Variants in INO80E observed in about 807,000 individuals in gnomAD.
INO80E encodes INO80 complex subunit E.
INO80E carries 20 observed loss-of-function variants against 27.3 expected under a neutral mutation model. The ratio of observed to expected loss-of-function variants is 0.73; its 90% CI spans 0.51 to 1.06. The LOEUF is 1.06. INO80E is among the 50% of genes least tolerant of loss of function. The pLI, the probability that INO80E is intolerant of heterozygous loss-of-function variation, is 0.00. For missense variants in INO80E, 357 were observed against 322.8 expected (o/e 1.11, Z -0.81); for synonymous variants, 167 against 145.9 (o/e 1.14, Z -1.04).
At position 30,000,805 on chromosome 16, in the gene INO80E, C is replaced by T; in HGVS notation, c.253C>T (p.Pro85Ser). ...AGATAACAGCGAGACGGAGGGGACA[C>T]CCAAGTTGTCTGACACACCGGCCCC... ...SSDNSETEGT[P>S]KLSDTPAPKR... Residue 85 changes from proline to serine, a missense_variant, in exon 4 of 7, where the codon CCC (proline) becomes TCC (serine). By Grantham distance (74) the Pro-to-Ser change is moderately conservative. Coordinates refer to ENST00000563197, the MANE Select transcript of INO80E (RefSeq NM_173618.3). 6.2e-7 allele frequency: 1 copy of T among 1,614,194 alleles called. No homozygotes were observed. Among genetic ancestry groups the T allele is most frequent in the Non-Finnish European group, 8.5e-7 (1 of 1,180,016 alleles).
Position 30,005,321 on chromosome 16 carries a change from C to A in INO80E, c.614C>A (p.Pro205His). The A allele has an allele frequency of 7.7e-7, 1 of 1,293,168 alleles. No individual in the cohort carries two copies. The highest frequency in any genetic ancestry group is 1.0e-6 in the Non-Finnish European group (1 of 980,278). The allele number at this position is 1,293,168 out of a possible 1,614,324, so 80.1% of individuals were successfully genotyped here. A position where few individuals can be genotyped will look rare whatever the true frequency, so the allele number is the denominator to read the frequency against. The stretch of plus-strand genomic sequence containing the variant: ...GGGACAACCCTGACCCCCCTCCCAC[C>A]CCCTAAGATGCCCCCCCCCACGATC... Reference protein sequence around the residue: ...GVGTTLTPLPPPKMPPPTILS... With the variant: ...GVGTTLTPLPHPKMPPPTILS... Residue 205 changes from proline (P) to histidine (H), a missense_variant, in exon 7 of 7, where the codon CCC becomes CAC. Physicochemically the swap from Pro to His is moderately conservative, Grantham distance 77 (BLOSUM62 -2). Coordinates refer to ENST00000563197, the MANE Select transcript of INO80E (RefSeq NM_173618.3).
chr16:30,005,079 C>T, intron 6 of INO80E, 142 bp from the exon 7 acceptor site: 3 of 883,152 alleles, frequency 3.4e-6, no homozygotes, highest in Non-Finnish European at 4.9e-6. Flanking sequence ...GGGGGGCAGG[C>T]CCTGAGTGCA....
chr16:29,998,543 T>C (rs993902626), intron 3 of INO80E, among the ~76,000 whole-genome samples: 2 of 152,240 alleles, frequency 1.3e-5, no homozygotes, highest in African/African-American at 4.8e-5. Context: ...TTAAGATCAC[T>C]GTATCCAATT....
rs979679147 is a variant in INO80E, at chr16:30,003,415, G to A, written c.514-1806G>A. On this transcript the variant is annotated intron_variant, in intron 6 of 6. Coordinates refer to ENST00000563197, the MANE Select transcript of INO80E (RefSeq NM_173618.3). This position sits in a 1 kb window ranked among gnomAD's most constrained non-coding sequence, Gnocchi z 4.4. ...AGGCCTGGACAGTGGCCTGAAGTGGGAATTTGTCTGTTACTGTCAGGGGAG... is the reference window on the plus strand; with the variant it reads ...AGGCCTGGACAGTGGCCTGAAGTGGAAATTTGTCTGTTACTGTCAGGGGAG... 2.6e-5 allele frequency: 4 copies of A among 152,254 alleles called. No homozygotes were observed. Among genetic ancestry groups the A allele is most frequent in the African/African-American group, 9.7e-5 (4 of 41,388 alleles). The allele number at this position is 152,254 out of a possible 1,614,324, so 9.4% of individuals were successfully genotyped here. A position where few individuals can be genotyped will look rare whatever the true frequency, so the allele number is the denominator to read the frequency against.
In INO80E at chr16:29,996,330, G is replaced by C; in HGVS notation, c.20G>C (p.Gly7Ala). Residue 7 changes from glycine (G) to alanine (A), a missense_variant, in exon 1 of 7, where the codon GGC (glycine) becomes GCC (alanine). Physicochemically the swap from Gly to Ala is moderately conservative, Grantham distance 60. Coordinates refer to ENST00000563197, the MANE Select transcript of INO80E (RefSeq NM_173618.3). ...CCGGTCATGAACGGGCCGGCGGACG[G>C]CGAAGTGGACTACAAAAAAAAATAC... Reference protein sequence around the residue: MNGPADGEVDYKKKYRN... With the variant: MNGPADAEVDYKKKYRN... The C allele has an allele frequency of 5.6e-6, 9 of 1,596,358 alleles. No homozygotes were observed. Among genetic ancestry groups the C allele is most frequent in the Non-Finnish European group, 7.7e-6 (9 of 1,171,720 alleles).
Position 30,000,952 on chromosome 16 carries a change from G to T in INO80E, c.308G>T (p.Gly103Val). The change falls in exon 5 of 7, where the codon GGC becomes GTC. Residue 103 changes from glycine (G) to valine (V), a missense_variant. Coordinates refer to ENST00000563197, the MANE Select transcript of INO80E (RefSeq NM_173618.3). Reference protein sequence around the residue: ...PKRKRSPPLGGAPSPSSLSLP... With the variant: ...PKRKRSPPLGVAPSPSSLSLP... ...AGGAAGAGAAGCCCTCCGCTGGGGG[G>T]CGCCCCCTCTCCCTCCAGCCTCTCC... 1 of 1,583,922 alleles carries T rather than the reference G, an allele frequency of 6.3e-7. No homozygotes were observed. Among genetic ancestry groups the T allele is most frequent in the Non-Finnish European group, 8.6e-7 (1 of 1,161,492 alleles).
At chr16:30,000,479 T>A (rs1325161422) in intron 3 of INO80E, among the ~76,000 whole-genome samples, 1 of 152,206 alleles carries the variant, frequency 6.6e-6, no homozygotes, top group African/African-American at 2.4e-5. Flanking sequence ...TTCTCCTGCC[T>A]CAGCCTCCTG....
intron 5 of INO80E, 34 bp from the exon 6 acceptor site, chr16:30,001,380 C>T (rs765245776): frequency 1.7e-5 from 27 of 1,553,618 alleles, no homozygotes; most frequent in Middle Eastern, 1.7e-4. Context: ...CGGTCCATTC[C>T]GCCTCCCATC....
At chr16:30,005,114 A>G in intron 6 of INO80E, 107 bp from the exon 7 acceptor site, 1 of 1,257,806 alleles carries the variant, frequency 8.0e-7, no homozygotes, top group South Asian at 1.8e-5. Flanking sequence ...AGCTGTGCCC[A>G]GGGCCTCTTC....
chr16:29,996,273 C>CG lies in INO80E; in HGVS notation c.-35dup. On this transcript the variant is annotated 5_prime_UTR_variant, in exon 1 of 7. Coordinates refer to ENST00000563197, the MANE Select transcript of INO80E (RefSeq NM_173618.3). ...GCACGGCAGCCACTGCTTGGGGTAG[C>CG]GGGAGGGCAGACTCTGGGCGCCACT... 6.4e-7 allele frequency: 1 copy of CG among 1,551,820 alleles called. No homozygotes were observed. The highest frequency in any genetic ancestry group is 8.7e-7 in the Non-Finnish European group (1 of 1,145,560).
At chr16:29,999,731 C>G (rs1327647426) in intron 3 of INO80E, among the ~76,000 whole-genome samples, 2 of 152,102 alleles carry the variant, frequency 1.3e-5, no homozygotes, top group African/African-American at 2.4e-5. Flanking sequence ...GTTAGTTGAC[C>G]AGAAAGGTAC....
chr16:30,000,794 C>T lies in INO80E; in HGVS notation c.242C>T (p.Thr81Met), dbSNP rs747964581. 1.7e-5 allele frequency: 28 copies of T among 1,614,150 alleles called. No homozygotes were observed. The highest frequency in any genetic ancestry group is 1.1e-4 in the African/African-American group (8 of 75,052). ...ACTGCATCATCAGATAACAGCGAGA[C>T]GGAGGGGACACCCAAGTTGTCTGAC... ...DATASSDNSE[T>M]EGTPKLSDTP... Residue 81 changes from threonine (T) to methionine (M), a missense_variant, in exon 4 of 7, where the codon ACG (threonine) becomes ATG (methionine). Coordinates refer to ENST00000563197, the MANE Select transcript of INO80E (RefSeq NM_173618.3).
chr16:30,004,441 G>A (rs2070465986), intron 6 of INO80E: 1 of 152,812 alleles, frequency 6.5e-6, no homozygotes, highest in African/African-American at 2.4e-5. Context: ...ACCCTCAGAG[G>A]ACAAAGCAGG....
At chr16:29,998,817 A>G (rs1163927882) in intron 3 of INO80E, among the ~76,000 whole-genome samples, 3 of 152,150 alleles carry the variant, frequency 2.0e-5, no homozygotes, top group African/African-American at 7.2e-5. Context: ...AGGCCGAGGC[A>G]GGCAGATCAC....
At chr16:29,999,960 G>C (rs1596670421) in intron 3 of INO80E, among the ~76,000 whole-genome samples, 1 of 152,088 alleles carries the variant, frequency 6.6e-6, no homozygotes, top group South Asian at 2.1e-4. Context: ...GGACTTCAGG[G>C]GTAGATGAAC....
Position 29,998,301 on chromosome 16 carries a change from A to C in INO80E, c.205+1441A>C, listed in dbSNP as rs113255715. Among the ~76,000 whole-genome samples the C allele has an allele frequency of 3.6e-3, 549 of 152,116 alleles. 3 individuals are homozygous for C. The highest frequency in any genetic ancestry group is 0.012 in the African/African-American group (510 of 41,510). ...GCCAGACTCCATCTCAAAAAAAAAA[A>C]AAAAACAAAAACCAATCTTGTGAAG... On this transcript the variant is annotated intron_variant, in intron 3 of 6. Transcript: ENST00000563197.
In INO80E at chr16:30,000,827, C is replaced by A; in HGVS notation, c.275C>A (p.Ala92Asp). The A allele has an allele frequency of 6.2e-7, 1 of 1,614,108 alleles. No homozygotes were observed. The highest frequency in any genetic ancestry group is 1.3e-5 in the African/African-American group (1 of 75,038). ...EGTPKLSDTP[A>D]PKRKRSPPLG... The stretch of plus-strand genomic sequence containing the variant: ...ACACCCAAGTTGTCTGACACACCGG[C>A]CCCTAAGAGGTGAGAAGAAGATGCA... Residue 92 changes from alanine to aspartate, a missense_variant, in exon 4 of 7, where the codon GCC becomes GAC. By Grantham distance (126) the Ala-to-Asp change is moderately radical. Coordinates refer to ENST00000563197, the MANE Select transcript of INO80E (RefSeq NM_173618.3).
Position 30,003,610 on chromosome 16 carries a change from C to T in INO80E, c.514-1611C>T, listed in dbSNP as rs1285626095. 6.6e-6 allele frequency: 1 copy of T among 152,254 alleles called. No individual in the cohort carries two copies. Among genetic ancestry groups the T allele is most frequent in the Non-Finnish European group, 1.5e-5 (1 of 68,048 alleles). 9.4% of individuals were successfully genotyped at this position (152,254 alleles called of 1,614,324 possible). On this transcript the variant is annotated intron_variant, in intron 6 of 6. Coordinates refer to ENST00000563197, the MANE Select transcript of INO80E (RefSeq NM_173618.3). This position sits in a 1 kb window ranked among gnomAD's most constrained non-coding sequence, Gnocchi z 4.4. The stretch of plus-strand genomic sequence containing the variant: ...GCTCACCATGCGACCTCAGCGTTGT[C>T]ATTTCACTCTTTAAGCCACAGCTCT...
At chr16:30,001,586 G>A in intron 6 of INO80E, 56 bp downstream of exon 6, 1 of 1,531,842 alleles carries the variant, frequency 6.5e-7, no homozygotes, top group Non-Finnish European at 8.9e-7. Context: ...ACAGTCACCT[G>A]AGGGAGGCTG....
Sources: gnomAD v4.1 joint callset for allele counts (sites outside exome capture counted in the v4.1 genomes callset) on GRCh38, gnomAD v4.1.1 for gene constraint, Gnocchi (gnomAD v3.1) non-coding constraint, MANE v1.5 for transcripts, NCBI Gene and HGNC (gene_info 2026-07-23, HGNC 2026-07-21) for gene names.